Variants in GNAI3 observed in about 807,000 individuals in gnomAD.
GNAI3 encodes the protein guanine nucleotide-binding protein G(i) subunit alpha-3.
Under a neutral mutation model 41.8 loss-of-function variants are expected in GNAI3, and 12 were observed. That is an observed-to-expected ratio of 0.29 (90% CI 0.18 to 0.47). The LOEUF is 0.47. GNAI3 is among the 20% of genes least tolerant of loss of function. The pLI, the probability that GNAI3 is intolerant of heterozygous loss-of-function variation, is 1.00. For missense variants in GNAI3, 360 were observed against 429.6 expected (o/e 0.84, Z 1.43); for synonymous variants, 132 against 146.5 (o/e 0.90, Z 0.71).
intron 8 of GNAI3, 33 bp downstream of exon 8, chr1:109,592,288 C>A: frequency 8.9e-7 from 1 of 1,123,434 alleles, no homozygotes; most frequent in Non-Finnish European, 1.3e-6. Context: ...TATAGTGCTA[C>A]AGTGATGTCT....
intron 3 of GNAI3, among the ~76,000 whole-genome samples, chr1:109,574,615 A>G (rs1283989121): frequency 6.6e-6 from 1 of 152,182 alleles, no homozygotes; most frequent in Non-Finnish European, 1.5e-5. Context: ...TATTATAATA[A>G]TACTTAGTGG....
chr1:109,591,763 A>G (rs911807162), intron 7 of GNAI3: 15 of 370,616 alleles, frequency 4.0e-5, no homozygotes, highest in Non-Finnish European at 7.3e-5. Context: ...TATACTTTCT[A>G]GATTTTTTTA....
At chr1:109,554,582 T>A (rs1648748131) in intron 1 of GNAI3, among the ~76,000 whole-genome samples, 1 of 152,190 alleles carries the variant, frequency 6.6e-6, no homozygotes, top group African/African-American at 2.4e-5. Context: ...TTCGTGCTGA[T>A]TTGATTTCCT....
intron 1 of GNAI3, among the ~76,000 whole-genome samples, chr1:109,555,963 C>CGTGCGTGTGTGTGT (rs1163257606): frequency 3.5e-5 from 5 of 144,534 alleles, no homozygotes; most frequent in South Asian, 4.3e-4. Flanking sequence ...TGCGTGCGTG[C>CGTGCGTGTGTGTGT]GTGTGTGTGT....
intron 3 of GNAI3, among the ~76,000 whole-genome samples, chr1:109,576,626 C>T (rs1447297066): frequency 6.6e-6 from 1 of 152,052 alleles, no homozygotes; most frequent in Non-Finnish European, 1.5e-5. Context: ...TCAAGCGATT[C>T]TCCTGCCTCA....
chr1:109,569,558 C>T (rs1648538256), intron 1 of GNAI3, among the ~76,000 whole-genome samples: 1 of 152,176 alleles, frequency 6.6e-6, no homozygotes. Flanking sequence ...AGGGAGCTTA[C>T]TGCTAGAACA....
rs1649372374 is a variant in GNAI3 at position 109,598,600 on chromosome 1, A to G, written c.*6278A>G. On this transcript the variant is annotated 3_prime_UTR_variant, in exon 9 of 9. Transcript: ENST00000369851. Reference sequence around the variant, plus strand: ...GGTCTTTTACAGCATTACTTTGCCCATATTCATTTTGAAGACCTGAAATGA... The same window carrying G: ...GGTCTTTTACAGCATTACTTTGCCCGTATTCATTTTGAAGACCTGAAATGA... The G allele has an allele frequency of 4.4e-6, 1 of 227,574 alleles. No homozygotes were observed. The highest frequency in any genetic ancestry group is 2.3e-5 in the African/African-American group (1 of 44,034). The allele number at this position is 227,574 out of a possible 1,614,324, so 14.1% of individuals were successfully genotyped here.
At chr1:109,556,259 G>A (rs1648148973) in intron 1 of GNAI3, among the ~76,000 whole-genome samples, 1 of 151,898 alleles carries the variant, frequency 6.6e-6, no homozygotes, top group Non-Finnish European at 1.5e-5. Flanking sequence ...GCCCAGGCTG[G>A]CCTTGAACTT....
chr1:109,552,650 AT>A (rs1457570656), intron 1 of GNAI3, among the ~76,000 whole-genome samples: 1 of 151,998 alleles, frequency 6.6e-6, no homozygotes, highest in Admixed American at 6.6e-5. Context: ...ATTTAATATC[AT>A]TTGTAATACT....
intron 1 of GNAI3, among the ~76,000 whole-genome samples, chr1:109,571,469 T>G (rs1010443819): frequency 1.3e-5 from 2 of 152,212 alleles, no homozygotes; most frequent in African/African-American, 4.8e-5. Flanking sequence ...GTCTGCATCA[T>G]TTATCTCATC....
intron 3 of GNAI3, 67 bp from the exon 4 acceptor site, chr1:109,579,137 A>C (rs1648826915): frequency 7.7e-7 from 1 of 1,305,390 alleles, no homozygotes; most frequent in African/African-American, 1.5e-5. Flanking sequence ...CTATATTTTA[A>C]AGAGACTGTC....
chr1:109,591,575 G>A (rs764040525), intron 7 of GNAI3: 6 of 619,560 alleles, frequency 9.7e-6, no homozygotes, highest in East Asian at 2.9e-5. Flanking sequence ...TCATCCTTGC[G>A]CGGGGACTGT....
chr1:109,563,264 C>T (rs1648363048), intron 1 of GNAI3, among the ~76,000 whole-genome samples: 1 of 152,126 alleles, frequency 6.6e-6, no homozygotes. Context: ...ACCTGTGGTC[C>T]CAGTTACTCC....
chr1:109,568,126 T>A (rs1648503633), intron 1 of GNAI3, among the ~76,000 whole-genome samples: 1 of 152,194 alleles, frequency 6.6e-6, no homozygotes, highest in South Asian at 2.1e-4. Flanking sequence ...AAAAATTATC[T>A]TGCAAAGAAA....
chr1:109,586,909 G>A, intron 7 of GNAI3, 27 bp downstream of exon 7: 1 of 1,497,154 alleles, frequency 6.7e-7, no homozygotes, highest in Non-Finnish European at 9.3e-7. Flanking sequence ...GATTTTATTG[G>A]AGGTACACAT....
intron 7 of GNAI3, among the ~76,000 whole-genome samples, chr1:109,587,959 CTT>C (rs1649075038): frequency 6.6e-6 from 1 of 152,158 alleles, no homozygotes; most frequent in Non-Finnish European, 1.5e-5. Context: ...TGGAAGCACT[CTT>C]TATCCCCATC....
chr1:109,579,669 C>T lies in GNAI3; in HGVS notation c.461+308C>T, dbSNP rs1220634868. 2.0e-5 allele frequency among the ~76,000 whole-genome samples: 3 copies of T among 152,142 alleles called. No individual in the cohort carries two copies. In the East Asian group the frequency reaches 5.8e-4, roughly 29 times the overall value. On this transcript the variant is annotated intron_variant, in intron 4 of 8. Transcript: ENST00000369851. ...GCTGGGTTCTGAATCTGTTCCAACT[C>T]ATAAGTTCCCTCTGTGTAAGGGCTT...
In GNAI3 at chr1:109,590,578, T is replaced by G. The variant is rs577975641; in HGVS notation, c.875-1465T>G. ...ATATTTTAATTAATATTCTTTTCCT[T>G]TCCTTTTTTTTTTTTGAGACAGTGT... On this transcript the variant is annotated intron_variant, in intron 7 of 8. Transcript: ENST00000369851. 3.1e-4 allele frequency among the ~76,000 whole-genome samples: 47 copies of G among 152,070 alleles called. No individual in the cohort carries two copies. In the South Asian group the frequency reaches 9.3e-3, roughly 30 times the overall value.
At chr1:109,586,930 T>A in intron 7 of GNAI3, 48 bp downstream of exon 7, 1 of 1,289,482 alleles carries the variant, frequency 7.8e-7, no homozygotes, top group Non-Finnish European at 1.1e-6. Flanking sequence ...CTTACTTAGA[T>A]CAACACTTTG....
Sources: gnomAD v4.1 joint callset for allele counts (sites outside exome capture counted in the v4.1 genomes callset) on GRCh38, gnomAD v4.1.1 for gene constraint, MANE v1.5 for transcripts, NCBI Gene and HGNC (gene_info 2026-07-23, HGNC 2026-07-21) for gene names.